CUBN: variants seen among roughly 807,000 people sequenced by gnomAD.
CUBN encodes the protein cubilin, also known as 460 kDa receptor.
CUBN carries 282 observed loss-of-function variants against 405.3 expected under a neutral mutation model. That is an observed-to-expected ratio of 0.70 (90% CI 0.63 to 0.77). The LOEUF is 0.77. CUBN is among the 30% of genes least tolerant of loss of function. CUBN has a pLI of 0.00. For synonymous variants in CUBN, 1,684 were observed against 1,617.0 expected, an observed-to-expected ratio of 1.04 and a Z score of -0.99; for missense variants, 4,514 against 4,475.2, an observed-to-expected ratio of 1.01 and a Z score of -0.25.
intron 60 of CUBN, among the ~76,000 whole-genome samples, chr10:16,845,587 C>T (rs374064153): frequency 1.3e-5 from 2 of 152,238 alleles, no homozygotes; most frequent in African/African-American, 2.4e-5. Context: ...ATCAGCTCTA[C>T]AAGAGCAGGA....
intron 59 of CUBN, among the ~76,000 whole-genome samples, chr10:16,852,444 T>TATCTTTCCCTCCCTCCCTCC (rs1407198696): frequency 2.5e-5 from 3 of 119,030 alleles, no homozygotes; most frequent in African/African-American, 9.4e-5. Flanking sequence ...TCCCTCCCTC[T>TATCTTTCCCTCCCTCCCTCC]ATCTTTCCCT....
intron 31 of CUBN, among the ~76,000 whole-genome samples, chr10:16,968,124 A>C (rs1843454640): frequency 6.6e-6 from 1 of 152,162 alleles, no homozygotes; most frequent in African/African-American, 2.4e-5. Flanking sequence ...TGAAACCCAG[A>C]GTTCTATTAT....
chr10:17,019,726 G>T, intron 28 of CUBN, 107 bp downstream of exon 28: 1 of 1,314,170 alleles, frequency 7.6e-7, no homozygotes, highest in Non-Finnish European at 1.1e-6. Context: ...TACTACCTGG[G>T]TTCCATTATT....
Position 16,900,636 on chromosome 10 carries a change from G to A in CUBN, c.8399C>T (p.Thr2800Ile), listed in dbSNP as rs141737312. The A allele has an allele frequency of 1.0e-3, 1,606 of 1,612,358 alleles. No individual in the cohort carries two copies. The highest frequency in any genetic ancestry group is 1.3e-3 in the Non-Finnish European group (1,496 of 1,178,316). Residue 2800 changes from threonine (T) to isoleucine (I), a missense_variant, in exon 53 of 67, where the codon ACA becomes ATA. Around this residue, in one of 5 missense-constraint regions of CUBN, gnomAD observed 1,186 missense variants for 1,186.9 expected, o/e 1.00. Transcript: ENST00000377833. Reference protein sequence around the residue: ...QGGGFYATWNTQTLGCGGIFH... With the variant: ...QGGGFYATWNIQTLGCGGIFH... ...AACATTTCTTTTACCTAAAGTTTGT[G>A]TGTTCCACGTAGCATAAAATCCACC...
In CUBN at chr10:17,103,923, G is replaced by T. The variant is rs545275079; in HGVS notation, c.1417+496C>A. Among the ~76,000 whole-genome samples, 33 of 152,304 alleles carry T rather than the reference G, an allele frequency of 2.2e-4. No individual in the cohort carries two copies. The South Asian group carries it at 6.8e-3, about 32-fold the overall frequency. On this transcript the variant is annotated intron_variant, in intron 12 of 66. Coordinates refer to ENST00000377833, the MANE Select transcript of CUBN (RefSeq NM_001081.4). ...CGGTGACGAAAGAAAACTTGCTTGAGTGAAGTTATTTCTAGGGAACTAGTG... is the reference window on the plus strand; with the variant it reads ...CGGTGACGAAAGAAAACTTGCTTGATTGAAGTTATTTCTAGGGAACTAGTG...
chr10:16,862,758 A>C (rs762016815), intron 59 of CUBN, among the ~76,000 whole-genome samples: 6 of 152,224 alleles, frequency 3.9e-5, no homozygotes, highest in Non-Finnish European at 8.8e-5. Flanking sequence ...TTATGGGTAC[A>C]AATAATTTAA....
At position 16,841,036 on chromosome 10, in the gene CUBN, C is replaced by G; in HGVS notation, c.9675G>C (p.Gly3225=). 1 of 1,613,954 alleles carries G rather than the reference C, an allele frequency of 6.2e-7. No individual in the cohort carries two copies. The highest frequency in any genetic ancestry group is 8.5e-7 in the Non-Finnish European group (1 of 1,179,938). The change falls in exon 61 of 67, where the codon GGG becomes GGC. Residue 3225 remains glycine (G), a synonymous_variant. Coordinates refer to ENST00000377833, the MANE Select transcript of CUBN (RefSeq NM_001081.4). The stretch of plus-strand genomic sequence containing the variant: ...CAGCCAAGTTCGCATTTTCACTATC[C>G]CCATCATATAACTGAGAAGAAAAAC... ...CLYDYVKLYD[G]DSENANLAGT... is the part of the protein sequence containing the mutation.
At chr10:16,932,786 G>C (rs1363490540) in intron 40 of CUBN, among the ~76,000 whole-genome samples, 5 of 152,042 alleles carry the variant, frequency 3.3e-5, no homozygotes, top group Non-Finnish European at 7.4e-5. Flanking sequence ...TATCTCAGAG[G>C]TATCTCAATA....
chr10:17,019,046 G>A (rs775316090), intron 28 of CUBN, among the ~76,000 whole-genome samples: 7 of 152,164 alleles, frequency 4.6e-5, no homozygotes, highest in Non-Finnish European at 8.8e-5. Flanking sequence ...TTCAAAGTTT[G>A]TGATTCTGTA....
chr10:17,107,515 TGA>T (rs1311396739), intron 10 of CUBN, among the ~76,000 whole-genome samples: 18 of 64,382 alleles, frequency 2.8e-4, no homozygotes, highest in Non-Finnish European at 5.5e-4. Flanking sequence ...TTTTTTTTTT[TGA>T]GACGGAGTCT....
intron 28 of CUBN, among the ~76,000 whole-genome samples, chr10:17,017,557 C>T (rs1834364818): frequency 6.6e-6 from 1 of 152,112 alleles, no homozygotes; most frequent in Non-Finnish European, 1.5e-5. Context: ...GCCTTTTGTC[C>T]TCACTTATAT....
chr10:17,125,111 C>T (rs377310422), intron 4 of CUBN, among the ~76,000 whole-genome samples: 18 of 151,784 alleles, frequency 1.2e-4, no homozygotes, highest in East Asian at 3.9e-4. Context: ...GGATTACAGG[C>T]GTGAGCCACC....
chr10:17,031,092 T>C (rs1236198782), intron 27 of CUBN, among the ~76,000 whole-genome samples: 1 of 152,196 alleles, frequency 6.6e-6, no homozygotes, highest in African/African-American at 2.4e-5. Flanking sequence ...AACGGAGCTT[T>C]GAGTAAAATA....
chr10:16,953,902 G>A (rs1217805336), intron 32 of CUBN, among the ~76,000 whole-genome samples: 3 of 102,080 alleles, frequency 2.9e-5, no homozygotes, highest in African/African-American at 1.4e-4. Flanking sequence ...GGGGAGGAGA[G>A]GAAGGGGAAG....
intron 58 of CUBN, among the ~76,000 whole-genome samples, chr10:16,873,359 C>G (rs1322575752): frequency 1.3e-5 from 2 of 152,146 alleles, no homozygotes; most frequent in South Asian, 4.1e-4. Flanking sequence ...CTCAAGCTAT[C>G]TCTCATAGCA....
intron 22 of CUBN, 138 bp downstream of exon 22, chr10:17,065,370 G>T: frequency 9.3e-7 from 1 of 1,077,256 alleles, no homozygotes. Flanking sequence ...AGGTATTTAA[G>T]TCACTACCCT....
intron 9 of CUBN, 52 bp from the exon 10 acceptor site, chr10:17,109,787 G>T: frequency 1.4e-6 from 2 of 1,390,962 alleles, no homozygotes; most frequent in Non-Finnish European, 2.0e-6. Context: ...AAGATGGGAG[G>T]ACAAAGCCTG....
chr10:17,080,942 G>C (rs1218814707), intron 17 of CUBN, among the ~76,000 whole-genome samples: 1 of 151,986 alleles, frequency 6.6e-6, no homozygotes, highest in Non-Finnish European at 1.5e-5. Flanking sequence ...TCATTCATTT[G>C]TAGCCATGTC....
At position 16,904,042 on chromosome 10, in the gene CUBN, A is replaced by G. The variant is rs768834619; in HGVS notation, c.7986T>C (p.Tyr2662=). Residue 2662 remains tyrosine, a synonymous_variant, in exon 51 of 67, where the codon TAT becomes TAC. Transcript: ENST00000377833. ...SKPTLPLVIP[Y]SQVWIHFVTN... Reference sequence around the variant, plus strand: ...TGACAAAGTGAATCCATACCTGAGAATAAGGTATAACCAATGGCAATGTAG... The same window carrying G: ...TGACAAAGTGAATCCATACCTGAGAGTAAGGTATAACCAATGGCAATGTAG... 39 of 1,611,268 alleles carry G rather than the reference A, an allele frequency of 2.4e-5. 1 individual carries two copies. The South Asian group carries it at 4.3e-4, about 18-fold the overall frequency.
Sources: gnomAD v4.1 joint callset for allele counts (sites outside exome capture counted in the v4.1 genomes callset) on GRCh38, gnomAD v4.1.1 for gene constraint, gnomAD v4.1.1 regional missense constraint, MANE v1.5 for transcripts, NCBI Gene and HGNC (gene_info 2026-07-23, HGNC 2026-07-21) for gene names.